The following PCDH15 variants were observed in gnomAD, a reference collection of about 807,000 sequenced individuals.
The protein encoded by PCDH15 is protocadherin related 15.
A neutral mutation model predicts 178.5 loss-of-function variants in PCDH15; 129 were observed. That is an observed-to-expected ratio of 0.72 (90% CI 0.63 to 0.84). The LOEUF (loss-of-function observed/expected upper bound fraction) is 0.84. PCDH15 is among the 40% of genes least tolerant of loss of function. The probability of loss-of-function intolerance (pLI) is 0.00; values close to 1 mark genes in which losing one functional copy is unlikely to be tolerated. For missense variants in PCDH15, 2,230 were observed against 2,099.9 expected (o/e 1.06, Z -1.21); for synonymous variants, 800 against 732.0 (o/e 1.09, Z -1.50).
intron 32 of PCDH15, chr10:53,822,642 T>C: frequency 1.2e-6 from 2 of 1,614,066 alleles, no homozygotes; most frequent in Non-Finnish European, 8.5e-7. Flanking sequence ...CAAGGAACAC[T>C]CAGCAGGAGA....
At chr10:53,844,403 T>C (rs1391620945) in intron 28 of PCDH15, among the ~76,000 whole-genome samples, 1 of 151,966 alleles carries the variant, frequency 6.6e-6, no homozygotes, top group Non-Finnish European at 1.5e-5. Flanking sequence ...CCATGACTAT[T>C]AGCCATATGA....
chr10:53,820,243 A>T lies in PCDH15; in HGVS notation c.4368-13T>A, dbSNP rs1324300411. On this transcript the variant is annotated splice_polypyrimidine_tract_variant and intron_variant, in intron 32 of 37. Coordinates refer to ENST00000644397, the MANE Select transcript of PCDH15 (RefSeq NM_001384140.1). Reference sequence around the variant, plus strand: ...ACAAAAACTCCAACTGAAGTTTTTCAGTGAAAGAAAGAAAAAAATCACGTT... The same window carrying T: ...ACAAAAACTCCAACTGAAGTTTTTCTGTGAAAGAAAGAAAAAAATCACGTT... 5.0e-6 allele frequency: 2 copies of T among 397,580 alleles called. No individual in the cohort carries two copies. 24.6% of individuals were successfully genotyped at this position (397,580 alleles called of 1,614,324 possible). A position where few individuals can be genotyped will look rare whatever the true frequency, so the allele number is the denominator to read the frequency against.
At chr10:54,581,389 A>C (rs2091022889) in intron 2 of PCDH15, among the ~76,000 whole-genome samples, 1 of 152,186 alleles carries the variant, frequency 6.6e-6, no homozygotes, top group African/African-American at 2.4e-5. Context: ...GAGGTGAAAG[A>C]TCTCTGTAAT....
At chr10:55,127,199 C>G (rs1344559602) in intron 2 of PCDH15, among the ~76,000 whole-genome samples, 1 of 152,040 alleles carries the variant, frequency 6.6e-6, no homozygotes, top group African/African-American at 2.4e-5. Flanking sequence ...ATTAAATATG[C>G]CAGAACTTCC....
At chr10:54,049,807 G>A (rs2064790794) in intron 18 of PCDH15, among the ~76,000 whole-genome samples, 1 of 152,024 alleles carries the variant, frequency 6.6e-6, no homozygotes, top group Non-Finnish European at 1.5e-5. Context: ...TTTTAGTAGA[G>A]ATAGGGTTTC....
At chr10:54,069,667 G>A (rs1355584701) in intron 17 of PCDH15, among the ~76,000 whole-genome samples, 1 of 152,098 alleles carries the variant, frequency 6.6e-6, no homozygotes, top group Non-Finnish European at 1.5e-5. Context: ...CTGAACCTAT[G>A]GAAATATTTA....
Position 55,547,947 on chromosome 10 carries a change from GAGAGAC to G in PCDH15, c.-156+79672_-156+79677del, listed in dbSNP as rs1383847676. 2.0e-5 allele frequency among the ~76,000 whole-genome samples: 3 copies of G among 148,848 alleles called. No homozygotes were observed. The East Asian group carries it at 6.4e-4, about 32-fold the overall frequency. On this transcript the variant is annotated intron_variant, in intron 2 of 5. Transcript: ENST00000613346. ...AGAGAGAGAGAGAGAGAGAGAGAGAGAGAGACAGGGACAGAGAAACAGAGAGCTGAC... is the reference window on the plus strand; with the variant it reads ...AGAGAGAGAGAGAGAGAGAGAGAGAGAGGGACAGAGAAACAGAGAGCTGAC...
At chr10:54,347,127 C>T (rs928001667) in intron 5 of PCDH15, among the ~76,000 whole-genome samples, 1 of 152,068 alleles carries the variant, frequency 6.6e-6, no homozygotes, top group Non-Finnish European at 1.5e-5. Context: ...TGATGTGTGA[C>T]CTAAATTGCT....
At position 54,465,277 on chromosome 10, in the gene PCDH15, G is replaced by A. The variant is rs146069987; in HGVS notation, c.157+62535C>T. On this transcript the variant is annotated intron_variant, in intron 3 of 37. Coordinates refer to ENST00000644397, the MANE Select transcript of PCDH15 (RefSeq NM_001384140.1). ...AAAAATATTTCAAATACTCTCTTGT[G>A]TCTATTTAGAAATATACAGTACATT... Among the ~76,000 whole-genome samples the A allele has an allele frequency of 1.3e-4, 20 of 152,016 alleles. No homozygotes were observed. In the East Asian group the frequency reaches 3.3e-3, roughly 25 times the overall value.
At chr10:55,019,798 A>G (rs1840277607) in intron 2 of PCDH15, among the ~76,000 whole-genome samples, 1 of 152,144 alleles carries the variant, frequency 6.6e-6, no homozygotes, top group South Asian at 2.1e-4. Flanking sequence ...AAAGCCTAAA[A>G]CAAAAGTCAT....
intron 9 of PCDH15, among the ~76,000 whole-genome samples, chr10:54,230,215 T>C (rs182180065): frequency 6.6e-6 from 1 of 152,274 alleles, no homozygotes; most frequent in Admixed American, 6.5e-5. Flanking sequence ...AGAAGCATTC[T>C]AGAGAATGGT....
At chr10:54,431,942 T>A (rs918297354) in intron 3 of PCDH15, among the ~76,000 whole-genome samples, 5 of 151,584 alleles carry the variant, frequency 3.3e-5, no homozygotes, top group Admixed American at 3.3e-4. Flanking sequence ...AAATAAAAAA[T>A]TTTAGAAATA....
intron 1 of PCDH15, among the ~76,000 whole-genome samples, chr10:54,796,518 C>T (rs1201527511): frequency 2.0e-5 from 3 of 151,552 alleles, no homozygotes; most frequent in African/African-American, 7.3e-5. Flanking sequence ...TCTTTCTTGA[C>T]CCTGTGTTTT....
rs2055737633 is a variant in PCDH15 at position 54,244,614 on chromosome 10, G to A, written c.877-7683C>T. Among the ~76,000 whole-genome samples, 3 of 152,322 alleles carry A rather than the reference G, an allele frequency of 2.0e-5. No individual in the cohort carries two copies. In the South Asian group the frequency reaches 6.2e-4, roughly 32 times the overall value. ...ACCTGAGAATATGCATTTCACAGAT[G>A]TTGTAAGGAGGATACATAGATCACA... On this transcript the variant is annotated intron_variant, in intron 8 of 37. Coordinates refer to ENST00000644397, the MANE Select transcript of PCDH15 (RefSeq NM_001384140.1).
chr10:54,332,288 T>C, intron 6 of PCDH15, among the ~76,000 whole-genome samples: 1 of 111,090 alleles, frequency 9.0e-6, no homozygotes, highest in East Asian at 2.1e-4. Context: ...TATAATATAA[T>C]CTATATTACA....
At chr10:54,024,678 T>A (rs1455271200) in intron 18 of PCDH15, among the ~76,000 whole-genome samples, 1 of 152,144 alleles carries the variant, frequency 6.6e-6, no homozygotes. Flanking sequence ...GATAGAAGAA[T>A]TGCAGAAATA....
chr10:54,001,621 C>T (rs2092138770), intron 20 of PCDH15, among the ~76,000 whole-genome samples: 1 of 151,748 alleles, frequency 6.6e-6, no homozygotes, highest in South Asian at 2.1e-4. Flanking sequence ...GAGTATACTA[C>T]CTTCACTTAA....
At chr10:54,967,711 T>C (rs1287658422) in intron 2 of PCDH15, among the ~76,000 whole-genome samples, 3 of 152,184 alleles carry the variant, frequency 2.0e-5, no homozygotes, top group East Asian at 3.8e-4. Flanking sequence ...AGGGATGCTA[T>C]AACAAAATAC....
intron 1 of PCDH15, among the ~76,000 whole-genome samples, chr10:54,771,662 A>T (rs1449837193): frequency 3.9e-5 from 6 of 152,138 alleles, no homozygotes; most frequent in Admixed American, 3.9e-4. Flanking sequence ...AATCCAAAAA[A>T]AACACCAAGC....
Sources: allele counts gnomAD v4.1 joint callset (sites outside exome capture counted in the v4.1 genomes callset), GRCh38; gene constraint gnomAD v4.1.1; transcripts MANE v1.5; gene names NCBI Gene and HGNC (gene_info 2026-07-23, HGNC 2026-07-21).